The following METTL15 variants were observed in gnomAD, a reference collection of about 807,000 sequenced individuals.
METTL15 encodes the protein 12S rRNA N(4)-cytidine methyltransferase METTL15.
Under a neutral mutation model 38.3 loss-of-function variants are expected in METTL15, and 34 were observed. The ratio of observed to expected loss-of-function variants is 0.89; its 90% CI spans 0.68 to 1.18. The LOEUF is 1.18. Among genes scored for constraint, METTL15 ranks in the 50% most tolerant of loss-of-function variants. The probability of loss-of-function intolerance (pLI) is 0.00; values close to 1 mark genes in which losing one functional copy is unlikely to be tolerated. For missense variants in METTL15, 438 were observed against 498.4 expected (o/e 0.88, Z 1.15); for synonymous variants, 162 against 170.9 (o/e 0.95, Z 0.41).
intron 6 of METTL15, among the ~76,000 whole-genome samples, chr11:28,468,479 TTGA>T (rs1851276078): frequency 1.3e-5 from 2 of 152,332 alleles, no homozygotes; most frequent in South Asian, 4.1e-4. Flanking sequence ...CAACTACATT[TTGA>T]TATAATATTG....
At chr11:28,463,157 A>G (rs779528715) in intron 6 of METTL15, among the ~76,000 whole-genome samples, 21 of 152,168 alleles carry the variant, frequency 1.4e-4, no homozygotes, top group Non-Finnish European at 2.5e-4. Flanking sequence ...ATACATATAT[A>G]TCACATCTAC....
intron 6 of METTL15, among the ~76,000 whole-genome samples, chr11:28,497,909 C>T (rs965628868): frequency 6.6e-6 from 1 of 151,968 alleles, no homozygotes; most frequent in Non-Finnish European, 1.5e-5. Context: ...CAAAAAGTAG[C>T]CAGGCGTGGT....
Position 28,330,857 on chromosome 11 carries a change from T to C in METTL15, c.*16T>C, listed in dbSNP as rs1332100159. On this transcript the variant is annotated 3_prime_UTR_variant, in exon 7 of 7. Coordinates refer to ENST00000407364, the MANE Select transcript of METTL15 (RefSeq NM_001113528.2). ...CAAATTATAAGTTATCATCATCTTA[T>C]TCTTCAAATTTTTTTCTCACAATTT... 3 of 1,508,618 alleles carry C rather than the reference T, an allele frequency of 2.0e-6. No individual in the cohort carries two copies. The highest frequency in any genetic ancestry group is 2.7e-6 in the Non-Finnish European group (3 of 1,129,790). 93.5% of individuals were successfully genotyped at this position (1,508,618 alleles called of 1,614,324 possible).
chr11:28,120,061 C>G (rs1590751036), intron 3 of METTL15, among the ~76,000 whole-genome samples: 1 of 152,116 alleles, frequency 6.6e-6, no homozygotes, highest in South Asian at 2.1e-4. Context: ...ACACCATTCT[C>G]CTGCCTCAGC....
chr11:28,357,463 C>T (rs1189565194), intron 4 of METTL15, among the ~76,000 whole-genome samples: 1 of 152,158 alleles, frequency 6.6e-6, no homozygotes, highest in Non-Finnish European at 1.5e-5. Flanking sequence ...AACTTTGGCC[C>T]TCAAGCCAAG....
At chr11:28,310,932 G>C (rs1318119654) in intron 6 of METTL15, among the ~76,000 whole-genome samples, 27 of 138,566 alleles carry the variant, frequency 1.9e-4, no homozygotes, top group Admixed American at 2.9e-4. Context: ...GGTGGTGGTG[G>C]TGGTGGTGGT....
intron 5 of METTL15, among the ~76,000 whole-genome samples, chr11:28,404,649 A>G (rs968950864): frequency 1.4e-4 from 22 of 152,104 alleles, no homozygotes; most frequent in African/African-American, 5.3e-4. Flanking sequence ...ACAAATATTC[A>G]GATTATAACA....
intron 3 of METTL15, among the ~76,000 whole-genome samples, chr11:28,175,410 G>A (rs1016042549): frequency 1.3e-5 from 2 of 152,090 alleles, no homozygotes; most frequent in African/African-American, 2.4e-5. Context: ...ATAAACATAC[G>A]TATGCATGTG....
chr11:28,334,083 AAAG>A (rs566941171), downstream of METTL15, among the ~76,000 whole-genome samples: 95 of 152,082 alleles, frequency 6.2e-4, 1 homozygote, highest in African/African-American at 2.2e-3. Context: ...ATGGCTAAAA[AAAG>A]AGAAAAATAT....
At chr11:28,408,896 A>T (rs1297944871) in intron 5 of METTL15, among the ~76,000 whole-genome samples, 1 of 152,116 alleles carries the variant, frequency 6.6e-6, no homozygotes, top group Non-Finnish European at 1.5e-5. Flanking sequence ...AGTTTACCAC[A>T]CCCTCTTTCA....
intron 6 of METTL15, among the ~76,000 whole-genome samples, chr11:28,487,143 A>G (rs1315627850): frequency 6.6e-6 from 1 of 152,204 alleles, no homozygotes; most frequent in Non-Finnish European, 1.5e-5. Context: ...GCAATTTGGC[A>G]TCATGTTTCA....
intron 6 of METTL15, among the ~76,000 whole-genome samples, chr11:28,322,770 A>G (rs973921982): frequency 6.6e-6 from 1 of 152,122 alleles, no homozygotes; most frequent in Non-Finnish European, 1.5e-5. Context: ...TCACACGTTT[A>G]TTGCATCATT....
intron 3 of METTL15, among the ~76,000 whole-genome samples, chr11:28,200,418 G>A (rs997126492): frequency 2.0e-5 from 3 of 152,092 alleles, no homozygotes; most frequent in African/African-American, 4.8e-5. Flanking sequence ...AAAATGTTTA[G>A]CATTGTGCTT....
chr11:28,305,235 A>G (rs1298096849), intron 6 of METTL15, among the ~76,000 whole-genome samples: 6 of 152,186 alleles, frequency 3.9e-5, no homozygotes, highest in Non-Finnish European at 7.3e-5. Flanking sequence ...AAACCTGAGT[A>G]ACTTTTCCTA....
At chr11:28,251,231 A>G (rs1854730157) in intron 4 of METTL15, among the ~76,000 whole-genome samples, 1 of 152,038 alleles carries the variant, frequency 6.6e-6, no homozygotes, top group African/African-American at 2.4e-5. Context: ...ATTCTCAAGC[A>G]AAGGAATGAA....
Position 28,113,451 on chromosome 11 carries a change from A to T in METTL15, c.117A>T (p.Lys39Asn), listed in dbSNP as rs1851806159. The T allele has an allele frequency of 6.2e-7, 1 of 1,611,586 alleles. No homozygotes were observed. Among genetic ancestry groups the T allele is most frequent in the Admixed American group, 1.7e-5 (1 of 59,952 alleles). ...WPNRIHTTAE[K>N]YREYEAREQT... ...ACAGAATACATACTACAGCAGAAAAATATAGAGAATATGAAGCCCGGGAGC... is the reference window on the plus strand; with the variant it reads ...ACAGAATACATACTACAGCAGAAAATTATAGAGAATATGAAGCCCGGGAGC... The change falls in exon 3 of 7, where the codon AAA becomes AAT. Residue 39 changes from lysine (K) to asparagine (N), a missense_variant. By Grantham distance (94) the Lys-to-Asn change is moderately conservative (BLOSUM62 0). Coordinates refer to ENST00000407364, the MANE Select transcript of METTL15 (RefSeq NM_001113528.2).
At chr11:28,260,963 T>G (rs535266508) in intron 4 of METTL15, among the ~76,000 whole-genome samples, 66 of 152,310 alleles carry the variant, frequency 4.3e-4, no homozygotes, top group African/African-American at 1.3e-3. Context: ...TTTTATTTAT[T>G]TATTTTTTAT....
Position 28,152,922 on chromosome 11 carries a change from C to A in METTL15, c.270+39318C>A, listed in dbSNP as rs563176661. On this transcript the variant is annotated intron_variant, in intron 3 of 6. Transcript: ENST00000407364. ...GAAAGGGGTGGGCAGTTCTCAGAAC[C>A]AAGGGTTCCTCCCCTTTTTAGACCA... Among the ~76,000 whole-genome samples the A allele has an allele frequency of 2.6e-5, 4 of 152,094 alleles. 1 individual carries two copies. In the South Asian group the frequency reaches 8.3e-4, roughly 32 times the overall value.
At chr11:28,477,537 C>T (rs552421761) in intron 6 of METTL15, 36 of 152,170 alleles carry the variant, frequency 2.4e-4, no homozygotes, top group Admixed American at 9.8e-4. Flanking sequence ...TTACAACAAA[C>T]ATGAGTTAGC....
Sources: allele counts gnomAD v4.1 joint callset (sites outside exome capture counted in the v4.1 genomes callset), GRCh38; gene constraint gnomAD v4.1.1; transcripts MANE v1.5; gene names NCBI Gene and HGNC (gene_info 2026-07-23, HGNC 2026-07-21).